The following FBXL17 variants were observed in gnomAD, a reference collection of about 807,000 sequenced individuals.
FBXL17 encodes F-box and leucine rich repeat protein 17.
FBXL17 carries 22 observed loss-of-function variants against 66.2 expected under a neutral mutation model. The observed-to-expected ratio is 0.33, with a 90% CI of 0.24 to 0.47. The LOEUF (loss-of-function observed/expected upper bound fraction) is 0.47. FBXL17 is among the 20% of genes least tolerant of loss of function. The pLI, the probability that FBXL17 is intolerant of heterozygous loss-of-function variation, is 1.00. For missense variants in FBXL17, 878 were observed against 948.2 expected, an observed-to-expected ratio of 0.93 and a Z score of 0.97; for synonymous variants, 474 against 400.5, an observed-to-expected ratio of 1.18 and a Z score of -2.19.
chr5:108,114,474 ATAATTT>A (rs1303892454), intron 6 of FBXL17, among the ~76,000 whole-genome samples: 2 of 152,234 alleles, frequency 1.3e-5, no homozygotes, highest in Non-Finnish European at 2.9e-5. Context: ...AGGCAAGAAA[ATAATTT>A]TATAGCCAAT....
At chr5:108,068,467 G>T (rs557450751) in intron 6 of FBXL17, among the ~76,000 whole-genome samples, 1 of 147,358 alleles carries the variant, frequency 6.8e-6, no homozygotes, top group South Asian at 2.2e-4. Context: ...TTGGGGGGGG[G>T]GCGGGGGGAA....
At chr5:108,101,804 A>G (rs1008570742) in intron 6 of FBXL17, among the ~76,000 whole-genome samples, 1 of 152,256 alleles carries the variant, frequency 6.6e-6, no homozygotes, top group Non-Finnish European at 1.5e-5. Context: ...TTAACTAACA[A>G]AAATGTTTCA....
intron 7 of FBXL17, among the ~76,000 whole-genome samples, chr5:107,993,808 A>C (rs545567772): frequency 3.3e-5 from 5 of 152,300 alleles, no homozygotes; most frequent in Admixed American, 2.6e-4. Context: ...TCATGGCAAT[A>C]CCAAAACAAA....
intron 6 of FBXL17, among the ~76,000 whole-genome samples, chr5:108,167,515 G>C (rs1324764322): frequency 6.6e-6 from 1 of 152,116 alleles, no homozygotes; most frequent in Non-Finnish European, 1.5e-5. Context: ...AAACATAAAG[G>C]ACTTCAGTCT....
chr5:108,369,261 C>T (rs1191388147), intron 1 of FBXL17, among the ~76,000 whole-genome samples: 1 of 152,178 alleles, frequency 6.6e-6, no homozygotes, highest in East Asian at 1.9e-4. Flanking sequence ...AAGAATGCAA[C>T]CTTTTATCTT....
intron 7 of FBXL17, among the ~76,000 whole-genome samples, chr5:107,883,541 C>T (rs1194751298): frequency 6.6e-6 from 1 of 152,140 alleles, no homozygotes; most frequent in African/African-American, 2.4e-5. Flanking sequence ...GGCTTACCCC[C>T]CATCTCTTCC....
rs1348606153 is a variant in FBXL17, at chr5:108,180,757, T to A, written c.1745+5360A>T. 2.0e-5 allele frequency among the ~76,000 whole-genome samples: 3 copies of A among 152,154 alleles called. No individual in the cohort carries two copies. In the East Asian group the frequency reaches 5.8e-4, roughly 29 times the overall value. Reference sequence around the variant, plus strand: ...CAACAACCCTGGCCTTTGTTATGCTTTGTGACTTTAGCTACCGGATGTTAG... The same window carrying A: ...CAACAACCCTGGCCTTTGTTATGCTATGTGACTTTAGCTACCGGATGTTAG... On this transcript the variant is annotated intron_variant, in intron 6 of 8. Transcript: ENST00000542267.
At chr5:107,894,838 C>T (rs1345976318) in intron 7 of FBXL17, among the ~76,000 whole-genome samples, 1 of 151,828 alleles carries the variant, frequency 6.6e-6, no homozygotes, top group Non-Finnish European at 1.5e-5. Context: ...ATTTCTTTAC[C>T]ATAAAATATA....
At chr5:108,373,446 T>A (rs1019144465) in intron 1 of FBXL17, among the ~76,000 whole-genome samples, 9 of 148,680 alleles carry the variant, frequency 6.1e-5, no homozygotes, top group Non-Finnish European at 1.3e-4. Context: ...TATGTATATA[T>A]GAGAAGGGGA....
At chr5:108,221,631 C>T (rs1361049828) in intron 5 of FBXL17, among the ~76,000 whole-genome samples, 1 of 152,152 alleles carries the variant, frequency 6.6e-6, no homozygotes, top group Non-Finnish European at 1.5e-5. Context: ...CACTCTATAT[C>T]TCACATCCTC....
chr5:108,065,879 A>G (rs1315981732), intron 6 of FBXL17, among the ~76,000 whole-genome samples: 1 of 152,154 alleles, frequency 6.6e-6, no homozygotes, highest in Non-Finnish European at 1.5e-5. Flanking sequence ...TGAACCGGAA[A>G]TCCTAAAATT....
intron 6 of FBXL17, among the ~76,000 whole-genome samples, chr5:108,135,504 T>C (rs987163119): frequency 3.9e-5 from 6 of 152,122 alleles, no homozygotes; most frequent in Non-Finnish European, 5.9e-5. Context: ...TCCACTAACA[T>C]CTTAAAGTAC....
intron 6 of FBXL17, among the ~76,000 whole-genome samples, chr5:108,059,955 A>T (rs1747858421): frequency 6.6e-6 from 1 of 151,036 alleles, no homozygotes; most frequent in Non-Finnish European, 1.5e-5. Flanking sequence ...TCAGCATATA[A>T]ATATATATAA....
At chr5:108,266,569 A>T (rs553444478) in intron 4 of FBXL17, among the ~76,000 whole-genome samples, 42 of 152,252 alleles carry the variant, frequency 2.8e-4, no homozygotes, top group African/African-American at 9.1e-4. Context: ...AAGAGTACTG[A>T]TGCTGGTAAT....
At chr5:108,136,554 T>A (rs1041353708) in intron 6 of FBXL17, among the ~76,000 whole-genome samples, 1 of 152,300 alleles carries the variant, frequency 6.6e-6, no homozygotes, top group East Asian at 1.9e-4. Flanking sequence ...AATAGCTGAA[T>A]AGCTTCTGCA....
At chr5:108,248,107 C>G (rs1390657863) in intron 4 of FBXL17, among the ~76,000 whole-genome samples, 1 of 152,038 alleles carries the variant, frequency 6.6e-6, no homozygotes, top group Non-Finnish European at 1.5e-5. Flanking sequence ...CTAGGAAAAT[C>G]TCAACTTAAA....
At chr5:107,962,668 A>G (rs930450688) in intron 7 of FBXL17, among the ~76,000 whole-genome samples, 61 of 151,956 alleles carry the variant, frequency 4.0e-4, no homozygotes, top group African/African-American at 1.4e-3. Context: ...TAACAGGGCA[A>G]GCGTTAAAAG....
At chr5:107,913,568 C>G (rs770176056) in intron 7 of FBXL17, among the ~76,000 whole-genome samples, 7 of 152,030 alleles carry the variant, frequency 4.6e-5, no homozygotes, top group African/African-American at 9.7e-5. Flanking sequence ...AGATTTAGAG[C>G]TCCCCTGAGA....
chr5:108,374,245 C>A (rs559797652), intron 1 of FBXL17, among the ~76,000 whole-genome samples: 1 of 152,208 alleles, frequency 6.6e-6, no homozygotes, highest in African/African-American at 2.4e-5. Context: ...AATACACATT[C>A]TTCTGAAGTG....
Sources: gnomAD v4.1 joint callset for allele counts (sites outside exome capture counted in the v4.1 genomes callset) on GRCh38, gnomAD v4.1.1 for gene constraint, MANE v1.5 for transcripts, NCBI Gene and HGNC (gene_info 2026-07-23, HGNC 2026-07-21) for gene names.